The following TENT4B variants were observed in gnomAD, a reference collection of about 807,000 sequenced individuals.
TENT4B encodes terminal nucleotidyltransferase 4B, also known as PAP associated domain containing 5.
A neutral mutation model predicts 75.0 loss-of-function variants in TENT4B; 10 were observed. The ratio of observed to expected loss-of-function variants is 0.13; its 90% confidence interval spans 0.08 to 0.23. The LOEUF is 0.23. Among genes scored for constraint, TENT4B ranks in the 10% least tolerant of loss-of-function variants. TENT4B has a pLI of 1.00. For missense variants in TENT4B, 579 were observed against 893.8 expected (o/e 0.65, Z 4.49); for synonymous variants, 350 against 357.7 (o/e 0.98, Z 0.24).
In TENT4B at chr16:50,154,155, G is replaced by T. The variant is rs1383625633; in HGVS notation, c.534G>T (p.Gln178His). The stretch of plus-strand genomic sequence containing the variant: ...ATGGACTCAACTACAGCCTGCTGCA[G>T]CCCAGCGGAGGGCGGGCCGCGGGGG... ...STYGLNYSLL[Q>H]PSGGRAAGGG... Residue 178 changes from glutamine (Q) to histidine (H), a missense_variant, in exon 1 of 12, where the codon CAG (glutamine) becomes CAT (histidine). Physicochemically the swap from Gln to His is conservative, Grantham distance 24 (BLOSUM62 0). Transcript: ENST00000561678. 1 of 1,519,292 alleles carries T rather than the reference G, an allele frequency of 6.6e-7. No homozygotes were observed. The highest frequency in any genetic ancestry group is 2.5e-5 in the East Asian group (1 of 39,508). The allele number at this position is 1,519,292 out of a possible 1,614,324, so 94.1% of individuals were successfully genotyped here.
In TENT4B at chr16:50,232,037, AT is replaced by A. The variant is rs1307217083; in HGVS notation, c.*2712del. The A allele has an allele frequency of 1.0e-6, 1 of 985,374 alleles. No homozygotes were observed. The highest frequency in any genetic ancestry group is 1.7e-5 in the African/African-American group (1 of 57,348). The allele number at this position is 985,374 out of a possible 1,614,324, so 61.0% of individuals were successfully genotyped here. A position where few individuals can be genotyped will look rare whatever the true frequency, so the allele number is the denominator to read the frequency against. The stretch of plus-strand genomic sequence containing the variant: ...ACAAATTCTCCCTCACTCTGGTGAC[AT>A]TTCTCAGGCAGTCATGTATGTGTAC... On this transcript the variant is annotated 3_prime_UTR_variant, in exon 12 of 12. Coordinates refer to ENST00000561678, the MANE Select transcript of TENT4B (RefSeq NM_001365324.3).
chr16:50,219,773 T>C (rs2031739754), intron 5 of TENT4B, among the ~76,000 whole-genome samples: 2 of 150,472 alleles, frequency 1.3e-5, no homozygotes, highest in East Asian at 2.0e-4. Flanking sequence ...TTTCTCTTCT[T>C]CCTTTTTCTT....
intron 1 of TENT4B, among the ~76,000 whole-genome samples, chr16:50,155,423 A>C (rs1371202511): frequency 6.6e-6 from 1 of 151,824 alleles, no homozygotes; most frequent in Non-Finnish European, 1.5e-5. Flanking sequence ...TCCCATGTGA[A>C]CCTTTTCCTG....
chr16:50,209,976 T>C (rs1038414697), intron 1 of TENT4B, among the ~76,000 whole-genome samples: 1 of 152,182 alleles, frequency 6.6e-6, no homozygotes. Flanking sequence ...GAAGTTGCCA[T>C]GCAGTTGCAG....
chr16:50,222,868 A>G (rs1042676018), intron 6 of TENT4B, among the ~76,000 whole-genome samples: 1 of 152,226 alleles, frequency 6.6e-6, no homozygotes, highest in East Asian at 1.9e-4. Context: ...AGGGTTGCCA[A>G]CTGCCTGAGT....
intron 5 of TENT4B, among the ~76,000 whole-genome samples, chr16:50,220,459 C>T (rs2031776145): frequency 6.6e-6 from 1 of 151,738 alleles, no homozygotes; most frequent in Non-Finnish European, 1.5e-5. Flanking sequence ...GGATTACAGG[C>T]ATGAACCACC....
upstream of TENT4B, among the ~76,000 whole-genome samples, chr16:50,153,199 A>T (rs1486349469): frequency 8.4e-5 from 2 of 23,884 alleles, no homozygotes; most frequent in African/African-American, 1.4e-4. Flanking sequence ...GGGGGGGCGG[A>T]GCGAGAGGGG....
intron 1 of TENT4B, among the ~76,000 whole-genome samples, chr16:50,197,243 A>G (rs763673100): frequency 6.6e-6 from 1 of 152,232 alleles, no homozygotes; most frequent in Non-Finnish European, 1.5e-5. Flanking sequence ...TATGTGAAAC[A>G]CTAGAGACAC....
At position 50,233,130 on chromosome 16, in the gene TENT4B, TTAG is replaced by T. The variant is rs1165087288; in HGVS notation, c.*3807_*3809del. ...ACCTAATTGAATATAAAAGTTATAT[TTAG>T]TAGTTACTGTTGATAGTAATTTTCA... On this transcript the variant is annotated 3_prime_UTR_variant, in exon 12 of 12. Coordinates refer to ENST00000561678, the MANE Select transcript of TENT4B (RefSeq NM_001365324.3). 1.0e-5 allele frequency: 10 copies of T among 982,824 alleles called. No homozygotes were observed. Among genetic ancestry groups the T allele is most frequent in the Non-Finnish European group, 1.2e-5 (10 of 827,550 alleles). 60.9% of individuals were successfully genotyped at this position (982,824 alleles called of 1,614,324 possible). A position where few individuals can be genotyped will look rare whatever the true frequency, so the allele number is the denominator to read the frequency against.
intron 1 of TENT4B, among the ~76,000 whole-genome samples, chr16:50,162,133 A>G (rs1193801790): frequency 1.3e-5 from 2 of 152,100 alleles, no homozygotes; most frequent in African/African-American, 4.8e-5. Context: ...TCAGTAGTTC[A>G]TTTCTTTTTA....
chr16:50,153,091 C>G, upstream of TENT4B: 1 of 1,329,222 alleles, frequency 7.5e-7, no homozygotes, highest in Non-Finnish European at 9.8e-7. Flanking sequence ...GTTGCGGCCC[C>G]GTCGCGCCGC....
At chr16:50,211,126 A>G (rs1247413571) in intron 1 of TENT4B, among the ~76,000 whole-genome samples, 197 bp from the exon 2 acceptor site, 1 of 152,114 alleles carries the variant, frequency 6.6e-6, no homozygotes, top group Non-Finnish European at 1.5e-5. Flanking sequence ...TGCACAGGAA[A>G]TTTCTCATTA....
intron 1 of TENT4B, among the ~76,000 whole-genome samples, chr16:50,204,743 G>C (rs1238019261): frequency 6.6e-6 from 1 of 152,208 alleles, no homozygotes; most frequent in African/African-American, 2.4e-5. Flanking sequence ...CCTGCTAGCA[G>C]TTTTTGTGTA....
At chr16:50,195,985 C>CA in intron 1 of TENT4B, among the ~76,000 whole-genome samples, 1 of 152,280 alleles carries the variant, frequency 6.6e-6, no homozygotes, top group East Asian at 1.9e-4. Context: ...GTAATCATCC[C>CA]AGGCCCTGCT....
At position 50,230,757 on chromosome 16, in the gene TENT4B, T is replaced by G. The variant is rs2032267072; in HGVS notation, c.*1429T>G. 1.0e-6 allele frequency: 1 copy of G among 985,536 alleles called. No individual in the cohort carries two copies. The highest frequency in any genetic ancestry group is 1.7e-5 in the African/African-American group (1 of 57,254). 61.0% of individuals were successfully genotyped at this position (985,536 alleles called of 1,614,324 possible). A position where few individuals can be genotyped will look rare whatever the true frequency, so the allele number is the denominator to read the frequency against. On this transcript the variant is annotated 3_prime_UTR_variant, in exon 12 of 12. Transcript: ENST00000561678. ...TGCAATGAGATGTATAATTCTGTTA[T>G]CATTACCTGTTGAGTTTGAAACTCA...
At chr16:50,223,034 T>C (rs1360456856) in intron 6 of TENT4B, 140 bp from the exon 7 acceptor site, 2 of 634,754 alleles carry the variant, frequency 3.2e-6, no homozygotes, top group Admixed American at 2.9e-5. Flanking sequence ...TATAACCTGC[T>C]GTTAGCCCAT....
intron 1 of TENT4B, among the ~76,000 whole-genome samples, chr16:50,176,616 C>T (rs2038316208): frequency 7.1e-6 from 1 of 141,424 alleles, no homozygotes; most frequent in South Asian, 2.3e-4. Context: ...AAGTAATTCT[C>T]CTGCCTCAGC....
rs370897436 is a variant in TENT4B, at chr16:50,157,438, AT to A, written c.638+3182del. ...GTTCCCTCTTACACATGACATGGAC[AT>A]TTCTTTAATATGTAGAGTAAGATAT... is the stretch of plus-strand genomic sequence containing the variant. On this transcript the variant is annotated intron_variant, in intron 1 of 11. Transcript: ENST00000561678. Among the ~76,000 whole-genome samples the A allele has an allele frequency of 4.2e-3, 644 of 152,272 alleles. 3 individuals are homozygous for A. Among genetic ancestry groups the A allele is most frequent in the African/African-American group, 0.015 (623 of 41,540 alleles).
Position 50,225,218 on chromosome 16 carries a change from A to G in TENT4B, c.1733A>G (p.His578Arg). The G allele has an allele frequency of 6.2e-7, 1 of 1,613,888 alleles. No homozygotes were observed. The highest frequency in any genetic ancestry group is 8.5e-7 in the Non-Finnish European group (1 of 1,179,876). ...RSKTSESLSK[H>R]SSNSSSGPVS... ...AAAACCTCGGAATCTCTTAGTAAAC[A>G]CTCTTCAAACTCTTCATCAGGTCCA... Residue 578 changes from histidine to arginine, a missense_variant, in exon 10 of 12, where the codon CAC becomes CGC. By Grantham distance (29) the His-to-Arg change is conservative (BLOSUM62 0). Transcript: ENST00000561678.
Sources: allele counts gnomAD v4.1 joint callset (sites outside exome capture counted in the v4.1 genomes callset), GRCh38; gene constraint gnomAD v4.1.1; transcripts MANE v1.5; gene names NCBI Gene and HGNC (gene_info 2026-07-23, HGNC 2026-07-21).